Variants in ASIC2 observed in about 807,000 individuals in gnomAD.
The protein encoded by ASIC2 is acid sensing ion channel subunit 2.
Under a neutral mutation model 57.3 loss-of-function variants are expected in ASIC2, and 25 were observed. That is an observed-to-expected ratio of 0.44 (90% CI 0.32 to 0.61). ASIC2 has a LOEUF of 0.61. Ranked by LOEUF, ASIC2 falls within the 20% of genes least tolerant of loss-of-function variation. ASIC2 has a pLI of 0.06. For missense variants in ASIC2, 641 were observed against 738.1 expected (o/e 0.87, Z 1.52); for synonymous variants, 319 against 307.5 (o/e 1.04, Z -0.39).
intron 1 of ASIC2, among the ~76,000 whole-genome samples, chr17:33,229,453 C>A (rs746836891): frequency 1.4e-4 from 21 of 152,156 alleles, no homozygotes; most frequent in African/African-American, 4.6e-4. Flanking sequence ...ACTGGCTACA[C>A]GCAGGGCAGA....
At chr17:33,512,561 A>G (rs1914459064) in intron 1 of ASIC2, among the ~76,000 whole-genome samples, 1 of 152,216 alleles carries the variant, frequency 6.6e-6, no homozygotes. Context: ...AAGAAGATGA[A>G]TGAGTCTCAG....
intron 1 of ASIC2, among the ~76,000 whole-genome samples, chr17:33,767,327 C>T (rs144801028): frequency 2.3e-3 from 353 of 152,236 alleles, no homozygotes; most frequent in African/African-American, 8.0e-3. Flanking sequence ...TGGAAATGTA[C>T]CTTATGATGT....
chr17:33,169,246 A>G (rs920886948), intron 1 of ASIC2, among the ~76,000 whole-genome samples: 1 of 152,132 alleles, frequency 6.6e-6, no homozygotes, highest in African/African-American at 2.4e-5. Context: ...AGAATATAAG[A>G]GCTGTGGAGG....
chr17:33,901,703 G>C (rs1293350951), intron 1 of ASIC2, among the ~76,000 whole-genome samples: 1 of 152,146 alleles, frequency 6.6e-6, no homozygotes, highest in Non-Finnish European at 1.5e-5. Context: ...GAATTCTAAA[G>C]GTGTAGAATT....
At chr17:33,734,626 G>GA (rs1909854823) in intron 1 of ASIC2, among the ~76,000 whole-genome samples, 1 of 152,224 alleles carries the variant, frequency 6.6e-6, no homozygotes, top group Non-Finnish European at 1.5e-5. Context: ...TTTGGAAACA[G>GA]AACCTTTAGG....
chr17:33,282,054 T>C (rs1328315889), intron 1 of ASIC2, among the ~76,000 whole-genome samples: 1 of 152,254 alleles, frequency 6.6e-6, no homozygotes, highest in Non-Finnish European at 1.5e-5. Context: ...TCTTTCATTT[T>C]TTTGAATTTT....
At chr17:34,151,108 A>T (rs1418274681) in intron 1 of ASIC2, among the ~76,000 whole-genome samples, 1 of 51,374 alleles carries the variant, frequency 1.9e-5, no homozygotes, top group Non-Finnish European at 5.0e-5. Flanking sequence ...ATCTCAAGAA[A>T]AAAAAAAAAA....
intron 1 of ASIC2, among the ~76,000 whole-genome samples, chr17:33,218,870 G>A (rs544002411): frequency 3.9e-5 from 6 of 152,010 alleles, no homozygotes; most frequent in African/African-American, 7.2e-5. Context: ...ATAACAGGGC[G>A]GGGGGGCTAC....
At chr17:33,373,922 C>A (rs1333439185) in intron 1 of ASIC2, among the ~76,000 whole-genome samples, 1 of 151,946 alleles carries the variant, frequency 6.6e-6, no homozygotes, top group African/African-American at 2.4e-5. Flanking sequence ...AGGTGATCTG[C>A]CCATCTTGGC....
chr17:33,738,681 G>T (rs1365332722), intron 1 of ASIC2, among the ~76,000 whole-genome samples: 2 of 152,070 alleles, frequency 1.3e-5, no homozygotes, highest in Non-Finnish European at 2.9e-5. Context: ...CTCAATCCTT[G>T]TTTCTGACCT....
At chr17:33,165,153 T>A (rs1396817978) in intron 1 of ASIC2, among the ~76,000 whole-genome samples, 1 of 152,232 alleles carries the variant, frequency 6.6e-6, no homozygotes, top group Non-Finnish European at 1.5e-5. Flanking sequence ...AGTTTCTGGA[T>A]GGGCACCCCC....
At chr17:33,388,173 A>G (rs1909761048) in intron 1 of ASIC2, among the ~76,000 whole-genome samples, 1 of 152,246 alleles carries the variant, frequency 6.6e-6, no homozygotes, top group South Asian at 2.1e-4. Flanking sequence ...GGCAGATTGA[A>G]GTGATGTGGC....
chr17:33,927,121 G>A (rs1355489197), intron 1 of ASIC2, among the ~76,000 whole-genome samples: 1 of 152,034 alleles, frequency 6.6e-6, no homozygotes, highest in Non-Finnish European at 1.5e-5. Context: ...TAGAGACAGG[G>A]TTTCACCATG....
chr17:33,143,038 C>T (rs1748430574), intron 1 of ASIC2, among the ~76,000 whole-genome samples: 1 of 152,166 alleles, frequency 6.6e-6, no homozygotes. Flanking sequence ...GAGAAGAAAA[C>T]ATGGGTCCCA....
intron 1 of ASIC2, among the ~76,000 whole-genome samples, chr17:33,447,817 A>G (rs1912082075): frequency 6.6e-6 from 1 of 150,522 alleles, no homozygotes. Context: ...ACAATAATCT[A>G]TTTTACACTT....
intron 1 of ASIC2, among the ~76,000 whole-genome samples, chr17:33,696,192 A>G (rs1345647067): frequency 6.6e-6 from 1 of 151,566 alleles, no homozygotes. Context: ...TCCTTTTACT[A>G]GGTCACTGGG....
chr17:33,671,382 C>G (rs1158063314), intron 1 of ASIC2, among the ~76,000 whole-genome samples: 1 of 152,184 alleles, frequency 6.6e-6, no homozygotes, highest in Non-Finnish European at 1.5e-5. Context: ...GACTACGTGC[C>G]TGTGATACTT....
intron 1 of ASIC2, among the ~76,000 whole-genome samples, chr17:33,901,169 C>G (rs1421608620): frequency 3.9e-5 from 6 of 152,192 alleles, no homozygotes; most frequent in African/African-American, 1.4e-4. Flanking sequence ...CTGTGCATGT[C>G]TTTGGGCGTC....
chr17:33,562,184 T>C (rs751524989), intron 1 of ASIC2, among the ~76,000 whole-genome samples: 3 of 151,762 alleles, frequency 2.0e-5, no homozygotes, highest in Non-Finnish European at 4.4e-5. Context: ...CTTTCACCTT[T>C]CTCTGCACTT....
Sources: gnomAD v4.1 joint callset for allele counts (sites outside exome capture counted in the v4.1 genomes callset) on GRCh38, gnomAD v4.1.1 for gene constraint, MANE v1.5 for transcripts, NCBI Gene and HGNC (gene_info 2026-07-23, HGNC 2026-07-21) for gene names.